The following ITGA5 variants were observed in gnomAD, a reference collection of about 807,000 sequenced individuals.
ITGA5 encodes the protein integrin alpha-5.
In ITGA5, 55 loss-of-function variants were observed where a neutral mutation model predicts 146.3. The observed-to-expected ratio is 0.38, with a 90% CI of 0.30 to 0.47. ITGA5 has a LOEUF of 0.47. Among genes scored for constraint, ITGA5 ranks in the 20% least tolerant of loss-of-function variants. ITGA5 has a pLI of 0.99. For missense variants in ITGA5, 1,131 were observed against 1,329.0 expected (o/e 0.85, Z 2.32); for synonymous variants, 500 against 531.8 (o/e 0.94, Z 0.82).
chr12:54,408,205 A>G lies in ITGA5; in HGVS notation c.722T>C (p.Ile241Thr), dbSNP rs1273334557. The G allele has an allele frequency of 1.2e-6, 2 of 1,614,124 alleles. No homozygotes were observed. Among genetic ancestry groups the G allele is most frequent in the Non-Finnish European group, 8.5e-7 (1 of 1,180,026 alleles). The change falls in exon 7 of 30, where the codon ATT (isoleucine) becomes ACT (threonine). Residue 241 changes from isoleucine (I) to threonine (T), a missense_variant. Transcript: ENST00000293379. ...GTACTCGGGGTAATAAGATTCTGCA[A>G]TCTGCTCCTGAGTGGCAGACAGGAT... is the stretch of plus-strand genomic sequence containing the variant. Reference protein sequence around the residue: ...GQILSATQEQIAESYYPEYLI... With the variant: ...GQILSATQEQTAESYYPEYLI...
At chr12:54,408,027 G>C (rs1261308050) in intron 7 of ITGA5, 83 bp downstream of exon 7, 1 of 1,574,086 alleles carries the variant, frequency 6.4e-7, no homozygotes, top group African/African-American at 1.3e-5. Flanking sequence ...TGCCTGAGTA[G>C]GAGAGGGGAG....
Position 54,419,190 on chromosome 12 carries a change from G to T in ITGA5, c.9C>A (p.Ser3Arg). 1 of 1,559,132 alleles carries T rather than the reference G, an allele frequency of 6.4e-7. No individual in the cohort carries two copies. The highest frequency in any genetic ancestry group is 8.7e-7 in the Non-Finnish European group (1 of 1,153,004). ...CGTGGAGAGGGGACTCTGGCGTCCG[G>T]CTCCCCATAGCGCCCGCTCTTCCCT... is the stretch of plus-strand genomic sequence containing the variant. The part of the protein sequence containing the change: MG[S>R]RTPESPLHAV... Residue 3 changes from serine (S) to arginine (R), a missense_variant, in exon 1 of 30, where the codon AGC becomes AGA. This residue lies in a region of ITGA5 where 175 missense variants were observed against 179.3 expected (regional missense o/e 0.98). Transcript: ENST00000293379.
chr12:54,410,511 TG>T (rs1245725958), intron 2 of ITGA5, among the ~76,000 whole-genome samples: 1 of 151,940 alleles, frequency 6.6e-6, no homozygotes. Flanking sequence ...TTGTGTTTTT[TG>T]TACAGATGGG....
Position 54,409,447 on chromosome 12 carries a change from C to T in ITGA5, c.462+38G>A, listed in dbSNP as rs1390190211. The T allele has an allele frequency of 1.9e-6, 3 of 1,610,174 alleles. No homozygotes were observed. Among genetic ancestry groups the T allele is most frequent in the Non-Finnish European group, 2.5e-6 (3 of 1,176,958 alleles). On this transcript the variant is annotated intron_variant, in intron 3 of 29. Transcript: ENST00000293379. The surrounding 1 kb of genome is among the most constrained non-coding windows in gnomAD (Gnocchi z 4.7). ...CGGCCTTACCCAACCACTGCCCATCCCCTGGCCACCACACCACTGAGCTTG... is the reference window on the plus strand; with the variant it reads ...CGGCCTTACCCAACCACTGCCCATCTCCTGGCCACCACACCACTGAGCTTG...
chr12:54,414,729 C>T (rs939781050), intron 1 of ITGA5, among the ~76,000 whole-genome samples: 1 of 150,644 alleles, frequency 6.6e-6, no homozygotes, highest in African/African-American at 2.5e-5. Context: ...CGCTTGTAGT[C>T]CCACCTACTA....
chr12:54,411,968 T>A lies in ITGA5; in HGVS notation c.219-4A>T, dbSNP rs770222888. 1.9e-6 allele frequency: 3 copies of A among 1,579,128 alleles called. No individual in the cohort carries two copies. In the African/African-American group the frequency reaches 4.1e-5, roughly 22 times the overall value. ...TGCTCCCACCAGCACACTGACCCTG[T>A]GGGGGGGAAAAGCGAGGCAGTTGAG... On this transcript the variant is annotated splice_polypyrimidine_tract_variant and splice_region_variant and intron_variant, in intron 1 of 29. Coordinates refer to ENST00000293379, the MANE Select transcript of ITGA5 (RefSeq NM_002205.5).
At chr12:54,397,837 T>C (rs1483981151) in intron 28 of ITGA5, among the ~76,000 whole-genome samples, 1 of 152,228 alleles carries the variant, frequency 6.6e-6, no homozygotes, top group African/African-American at 2.4e-5. Flanking sequence ...CATTCTGAAC[T>C]TAAAAATTGA....
At chr12:54,396,551 G>A (rs1955713401) in intron 29 of ITGA5, among the ~76,000 whole-genome samples, 175 bp from the exon 30 acceptor site, 1 of 152,190 alleles carries the variant, frequency 6.6e-6, no homozygotes, top group Non-Finnish European at 1.5e-5. Flanking sequence ...GACCCAGGAG[G>A]ACCAAACTTG....
intron 1 of ITGA5, among the ~76,000 whole-genome samples, chr12:54,414,978 G>T (rs1032667870): frequency 6.6e-6 from 1 of 151,706 alleles, no homozygotes; most frequent in East Asian, 1.9e-4. Context: ...GCGAAACCCC[G>T]TCTCTACTAA....
At chr12:54,407,576 G>T in intron 9 of ITGA5, 73 bp downstream of exon 9, 1 of 1,320,528 alleles carries the variant, frequency 7.6e-7, no homozygotes, top group Non-Finnish European at 1.1e-6. Context: ...TTGAGCCCTT[G>T]CAAACTGCCA....
At position 54,405,387 on chromosome 12, in the gene ITGA5, G is replaced by A. The variant is rs369494500; in HGVS notation, c.1017-13C>T. 395 of 1,579,710 alleles carry A rather than the reference G, an allele frequency of 2.5e-4. No homozygotes were observed. Among genetic ancestry groups the A allele is most frequent in the Non-Finnish European group, 3.1e-4 (361 of 1,159,456 alleles). On this transcript the variant is annotated splice_polypyrimidine_tract_variant and intron_variant, in intron 11 of 29. Transcript: ENST00000293379. ...CAAGTCATCCAGCCTGAGGGGAAGG[G>A]CAAACCCAGGCATCTCGATACCCTG...
chr12:54,403,422 C>T lies in ITGA5; in HGVS notation c.1777-98G>A. The T allele has an allele frequency of 7.3e-7, 1 of 1,377,454 alleles. No homozygotes were observed. The highest frequency in any genetic ancestry group is 9.8e-7 in the Non-Finnish European group (1 of 1,018,070). The allele number at this position is 1,377,454 out of a possible 1,614,324, so 85.3% of individuals were successfully genotyped here. A position where few individuals can be genotyped will look rare whatever the true frequency, so the allele number is the denominator to read the frequency against. On this transcript the variant is annotated intron_variant, in intron 17 of 29. Transcript: ENST00000293379. This position sits in a 1 kb window ranked among gnomAD's most constrained non-coding sequence, Gnocchi z 4.9. ...TCATCTCCCTTTGTCTGCTTAGGGC[C>T]CAATTCCGACCATCCTCATTGTTTC...
intron 28 of ITGA5, among the ~76,000 whole-genome samples, chr12:54,397,851 T>A (rs1307968266): frequency 6.6e-6 from 1 of 152,118 alleles, no homozygotes; most frequent in Non-Finnish European, 1.5e-5. Context: ...AAATTGAAGT[T>A]CCTAAAATGT....
chr12:54,398,779 T>G, intron 27 of ITGA5, 81 bp from the exon 28 acceptor site: 1 of 855,360 alleles, frequency 1.2e-6, no homozygotes, highest in South Asian at 1.8e-5. Flanking sequence ...TGGCTGGGGT[T>G]GTGATCTTTC....
At position 54,398,715 on chromosome 12, in the gene ITGA5, G is replaced by C. The variant is rs1479178133; in HGVS notation, c.2842-17C>G. 2 of 1,567,052 alleles carry C rather than the reference G, an allele frequency of 1.3e-6. No homozygotes were observed. The highest frequency in any genetic ancestry group is 8.7e-7 in the Non-Finnish European group (1 of 1,150,002). Reference sequence around the variant, plus strand: ...GTGCTCCCGCTGTGGGTAGGGGAAAGTTGGTTAGCACATCCTCTCTTGGGA... The same window carrying C: ...GTGCTCCCGCTGTGGGTAGGGGAAACTTGGTTAGCACATCCTCTCTTGGGA... On this transcript the variant is annotated splice_polypyrimidine_tract_variant and intron_variant, in intron 27 of 29. Transcript: ENST00000293379.
intron 20 of ITGA5, 21 bp from the exon 21 acceptor site, chr12:54,402,114 G>A (rs1955794135): frequency 6.2e-7 from 1 of 1,613,838 alleles, no homozygotes; most frequent in East Asian, 2.2e-5. Context: ...GGTGGGCACT[G>A]GTCAGGTTTT....
At position 54,402,056 on chromosome 12, in the gene ITGA5, T is replaced by A. The variant is rs1444046775; in HGVS notation, c.2171A>T (p.Asn724Ile). Residue 724 changes from asparagine to isoleucine, a missense_variant, in exon 21 of 30, where the codon AAC becomes ATC. Asn to Ile is a moderately radical substitution (Grantham distance 149). This residue lies in a region of ITGA5 where 889 missense variants were observed against 1,021.5 expected (regional missense o/e 0.87). Coordinates refer to ENST00000293379, the MANE Select transcript of ITGA5 (RefSeq NM_002205.5). ...GTCACACACCAGCAGGCGGCTCTGG[T>A]TCACGGCAAAGTAGTCACAGCTCAG... ...SSLSCDYFAV[N>I]QSRLLVCDLG... The A allele has an allele frequency of 1.2e-6, 2 of 1,614,152 alleles. No individual in the cohort carries two copies. Among genetic ancestry groups the A allele is most frequent in the Non-Finnish European group, 1.7e-6 (2 of 1,180,026 alleles).
At chr12:54,400,445 A>C in intron 25 of ITGA5, 1 of 199,016 alleles carries the variant, frequency 5.0e-6, no homozygotes, top group East Asian at 1.3e-4. Context: ...GAACGTGGAG[A>C]CCTTGTCAGT....
At position 54,416,406 on chromosome 12, in the gene ITGA5, A is replaced by T. The variant is rs944061239; in HGVS notation, c.218+2575T>A. On this transcript the variant is annotated intron_variant, in intron 1 of 29. Transcript: ENST00000293379. This position sits in a 1 kb window ranked among gnomAD's most constrained non-coding sequence, Gnocchi z 4.1. ...TTGTATATCTAAAAATGGGGCAATAATGCTTCCTTTGCTTTAACACAAGGA... is the reference window on the plus strand; with the variant it reads ...TTGTATATCTAAAAATGGGGCAATATTGCTTCCTTTGCTTTAACACAAGGA... 6.6e-6 allele frequency among the ~76,000 whole-genome samples: 1 copy of T among 152,208 alleles called. No individual in the cohort carries two copies. Among genetic ancestry groups the T allele is most frequent in the African/African-American group, 2.4e-5 (1 of 41,438 alleles).
Sources: allele counts gnomAD v4.1 joint callset (sites outside exome capture counted in the v4.1 genomes callset), GRCh38; gene constraint gnomAD v4.1.1; regional missense constraint gnomAD v4.1.1; non-coding constraint Gnocchi (gnomAD v3.1); transcripts MANE v1.5; gene names NCBI Gene and HGNC (gene_info 2026-07-23, HGNC 2026-07-21).